The following TRPM3 variants were observed in gnomAD, a reference collection of about 807,000 sequenced individuals.
The protein encoded by TRPM3 is transient receptor potential cation channel subfamily M member 3.
In TRPM3, 77 loss-of-function variants were observed where a neutral mutation model predicts 181.2. The observed-to-expected ratio is 0.42, with a 90% CI of 0.35 to 0.51. The LOEUF is 0.51. Ranked by LOEUF, TRPM3 falls within the 20% of genes least tolerant of loss-of-function variation. The pLI is 0.01. For missense variants in TRPM3, 1,759 were observed against 2,196.7 expected (o/e 0.80, Z 3.98); for synonymous variants, 745 against 796.4 (o/e 0.94, Z 1.09).
intron 1 of TRPM3, among the ~76,000 whole-genome samples, chr9:71,132,714 T>A (rs6560177): frequency 7.9e-5 from 12 of 152,052 alleles, no homozygotes; most frequent in Non-Finnish European, 1.3e-4. Flanking sequence ...TCTATTCTTC[T>A]ATTATCCATC....
intron 1 of TRPM3, among the ~76,000 whole-genome samples, chr9:71,053,874 C>G (rs1001156187): frequency 1.3e-5 from 2 of 152,022 alleles, no homozygotes; most frequent in Non-Finnish European, 2.9e-5. Flanking sequence ...AAAACAGGGT[C>G]GGGATCCTTC....
chr9:70,603,386 C>G lies in TRPM3; in HGVS notation c.2752G>C (p.Val918Leu). Residue 918 changes from valine (V) to leucine (L), a missense_variant, in exon 20 of 26, where the codon GTA becomes CTA. Around this residue, in one of 8 missense-constraint regions of TRPM3, gnomAD observed 100 missense variants for 123.0 expected, o/e 0.81. Coordinates refer to ENST00000677713, the MANE Select transcript of TRPM3 (RefSeq NM_001366145.2). Reference protein sequence around the residue: ...ERWPSTQEWIVISYIFTLGIE... With the variant: ...ERWPSTQEWILISYIFTLGIE... The stretch of plus-strand genomic sequence containing the variant: ...CCCAGGGTGAAAATATAGGAGATTA[C>G]GATCCATTCCTGGGTGGACGGCCAG... 6.2e-7 allele frequency: 1 copy of G among 1,614,002 alleles called. No homozygotes were observed. The highest frequency in any genetic ancestry group is 8.5e-7 in the Non-Finnish European group (1 of 1,179,920).
At chr9:71,217,190 TC>T (rs1328866060) in intron 1 of TRPM3, among the ~76,000 whole-genome samples, 8 of 151,712 alleles carry the variant, frequency 5.3e-5, no homozygotes, top group African/African-American at 1.9e-4. Flanking sequence ...GACCTCGTGA[TC>T]CGCCCGCCTC....
intron 25 of TRPM3, among the ~76,000 whole-genome samples, chr9:70,543,970 G>A (rs1422638847): frequency 5.9e-5 from 9 of 152,172 alleles, no homozygotes; most frequent in Non-Finnish European, 8.8e-5. Flanking sequence ...AGCATGCCAA[G>A]TCCAAAGACT....
chr9:71,089,432 A>ACTGTGTCTATATTAT lies in TRPM3; in HGVS notation c.177+31731_177+31745dup, dbSNP rs200205306. Among the ~76,000 whole-genome samples, 229 of 151,682 alleles carry ACTGTGTCTATATTAT rather than the reference A, an allele frequency of 1.5e-3. 8 individuals are homozygous for ACTGTGTCTATATTAT. In the East Asian group the frequency reaches 0.043, roughly 28 times the overall value. ...AAGGAGAGAAAAAAGACAATAACAG[A>ACTGTGTCTATATTAT]CTGTGTCTATATTATCTGTATCTTC... On this transcript the variant is annotated intron_variant, in intron 1 of 25. Transcript: ENST00000677713.
At chr9:70,643,669 A>C (rs2058403354) in intron 9 of TRPM3, among the ~76,000 whole-genome samples, 1 of 152,182 alleles carries the variant, frequency 6.6e-6, no homozygotes, top group East Asian at 1.9e-4. Flanking sequence ...ATCCTGAATA[A>C]ACCTAGTGGC....
chr9:70,998,263 A>C (rs34828139), intron 1 of TRPM3, among the ~76,000 whole-genome samples: 1 of 145,046 alleles, frequency 6.9e-6, no homozygotes, highest in African/African-American at 2.6e-5. Flanking sequence ...ATATATATAT[A>C]TATTTTTTTT....
At position 71,059,011 on chromosome 9, in the gene TRPM3, A is replaced by ATTTTTTTTTTTTTTTTTTTTT. The variant is rs1162577364; in HGVS notation, c.177+62146_177+62166dup. Among the ~76,000 whole-genome samples, 53 of 52,638 alleles carry ATTTTTTTTTTTTTTTTTTTTT rather than the reference A, an allele frequency of 1.0e-3. 11 individuals carry two copies. The highest frequency in any genetic ancestry group is 2.6e-3 in the South Asian group (2 of 762). The allele number at this position is 52,638 out of a possible 152,430, so 34.5% of individuals were successfully genotyped here. A position where few individuals can be genotyped will look rare whatever the true frequency, so the allele number is the denominator to read the frequency against. Reference sequence around the variant, plus strand: ...ATTTCTCTGAAGTTTTTGTTTGTTCATTTTTTTTTTTTTTTTTTTTTTTTT... The same window carrying ATTTTTTTTTTTTTTTTTTTTT: ...ATTTCTCTGAAGTTTTTGTTTGTTCATTTTTTTTTTTTTTTTTTTTTTTTTTTTTTTTTTTTTTTTTTTTTT... On this transcript the variant is annotated intron_variant, in intron 1 of 25. Coordinates refer to ENST00000677713, the MANE Select transcript of TRPM3 (RefSeq NM_001366145.2).
chr9:70,549,721 C>A, intron 24 of TRPM3, 47 bp from the exon 25 acceptor site: 2 of 1,550,256 alleles, frequency 1.3e-6, no homozygotes, highest in South Asian at 1.2e-5. Flanking sequence ...GAAGTAAAAG[C>A]GATGGCATCT....
chr9:70,767,442 G>A (rs6560152), intron 7 of TRPM3, among the ~76,000 whole-genome samples: 33,182 of 152,018 alleles, frequency 0.22, 4,427 homozygotes, highest in Non-Finnish European at 0.3. Context: ...AAAGTTGTAT[G>A]CCATGTATTC....
chr9:70,762,183 T>C, intron 7 of TRPM3, among the ~76,000 whole-genome samples: 1 of 152,180 alleles, frequency 6.6e-6, no homozygotes, highest in African/African-American at 2.4e-5. Context: ...ATTAATAAGT[T>C]TTTGAACATC....
At chr9:70,907,338 C>T (rs2096481614) in intron 1 of TRPM3, among the ~76,000 whole-genome samples, 1 of 152,136 alleles carries the variant, frequency 6.6e-6, no homozygotes, top group South Asian at 2.1e-4. Flanking sequence ...TTTTCACGGT[C>T]TATGTAGTGC....
intron 1 of TRPM3, among the ~76,000 whole-genome samples, chr9:71,406,997 T>C (rs1440587430): frequency 1.3e-5 from 2 of 152,294 alleles, no homozygotes; most frequent in East Asian, 1.9e-4. Flanking sequence ...GGCCTACTTA[T>C]TAAGTTGGAT....
chr9:71,367,972 A>G (rs937720231), intron 1 of TRPM3, among the ~76,000 whole-genome samples: 2 of 146,306 alleles, frequency 1.4e-5, no homozygotes, highest in Admixed American at 1.4e-4. Flanking sequence ...TATATATATC[A>G]TATATATGCA....
intron 9 of TRPM3, among the ~76,000 whole-genome samples, chr9:70,660,495 G>A (rs996679430): frequency 2.6e-5 from 4 of 151,998 alleles, no homozygotes; most frequent in African/African-American, 9.7e-5. Context: ...GATGTTTCAT[G>A]TCTCCCTAAA....
At chr9:70,861,984 G>C (rs1019251581) in intron 3 of TRPM3, among the ~76,000 whole-genome samples, 1 of 151,908 alleles carries the variant, frequency 6.6e-6, no homozygotes, top group African/African-American at 2.4e-5. Context: ...GGAAGGGAGA[G>C]GTAAGAAAAG....
intron 19 of TRPM3, among the ~76,000 whole-genome samples, chr9:70,605,213 C>T (rs1367185370): frequency 6.6e-6 from 1 of 152,072 alleles, no homozygotes; most frequent in Non-Finnish European, 1.5e-5. Context: ...GCCTCGGCCT[C>T]CTAAAGTGCT....
chr9:70,816,569 C>G (rs2092709803), intron 6 of TRPM3, among the ~76,000 whole-genome samples: 2 of 152,168 alleles, frequency 1.3e-5, no homozygotes, highest in Admixed American at 6.5e-5. Flanking sequence ...CACCTGCTGC[C>G]AAGATTACTG....
At chr9:70,771,773 CAG>C (rs1007378663) in intron 7 of TRPM3, among the ~76,000 whole-genome samples, 55 of 152,288 alleles carry the variant, frequency 3.6e-4, no homozygotes, top group African/African-American at 1.3e-3. Context: ...GTGCAGAAGA[CAG>C]AGGCTTTTCT....
Sources: gnomAD v4.1 joint callset for allele counts (sites outside exome capture counted in the v4.1 genomes callset) on GRCh38, gnomAD v4.1.1 for gene constraint, gnomAD v4.1.1 regional missense constraint, MANE v1.5 for transcripts, NCBI Gene and HGNC (gene_info 2026-07-23, HGNC 2026-07-21) for gene names.